The following ARHGAP24 variants were observed in gnomAD, a reference collection of about 807,000 sequenced individuals.
ARHGAP24 encodes rho GTPase-activating protein 24.
A neutral mutation model predicts 76.4 loss-of-function variants in ARHGAP24; 50 were observed. The ratio of observed to expected loss-of-function variants is 0.65; its 90% confidence interval spans 0.52 to 0.83. The LOEUF is 0.83. ARHGAP24 is among the 40% of genes least tolerant of loss of function. The pLI, the probability that ARHGAP24 is intolerant of heterozygous loss-of-function variation, is 0.00. For synonymous variants in ARHGAP24, 345 were observed against 323.3 expected, an observed-to-expected ratio of 1.07 and a Z score of -0.72; for missense variants, 930 against 914.2, an observed-to-expected ratio of 1.02 and a Z score of -0.22.
chr4:85,518,482 T>G (rs1178297544), intron 1 of ARHGAP24, among the ~76,000 whole-genome samples: 1 of 152,152 alleles, frequency 6.6e-6, no homozygotes, highest in Non-Finnish European at 1.5e-5. Flanking sequence ...CAGTATACAC[T>G]GCACCATATT....
chr4:85,623,565 G>T (rs1429978387), intron 2 of ARHGAP24, among the ~76,000 whole-genome samples: 2 of 152,162 alleles, frequency 1.3e-5, no homozygotes, highest in Non-Finnish European at 2.9e-5. Flanking sequence ...GATTGACTTT[G>T]TGATGCGGGC....
chr4:85,579,612 CTATT>C (rs911830805), intron 2 of ARHGAP24, among the ~76,000 whole-genome samples: 10 of 150,996 alleles, frequency 6.6e-5, no homozygotes, highest in Admixed American at 5.3e-4. Flanking sequence ...CATTTGGTGA[CTATT>C]TATCAATTAT....
At chr4:85,694,607 A>G (rs1723802631) in intron 2 of ARHGAP24, among the ~76,000 whole-genome samples, 1 of 152,170 alleles carries the variant, frequency 6.6e-6, no homozygotes, top group Non-Finnish European at 1.5e-5. Context: ...TGGAGAAAAA[A>G]AAGCTTCTCA....
At chr4:85,850,130 G>C (rs345340) in intron 3 of ARHGAP24, among the ~76,000 whole-genome samples, 69 of 151,864 alleles carry the variant, frequency 4.5e-4, no homozygotes, top group African/African-American at 1.6e-3. Context: ...TTCAGAACCT[G>C]TTATTGGTCT....
chr4:85,922,267 A>T (rs1169062228), intron 3 of ARHGAP24, among the ~76,000 whole-genome samples: 1 of 152,222 alleles, frequency 6.6e-6, no homozygotes, highest in Admixed American at 6.5e-5. Flanking sequence ...ATGCTAGAAT[A>T]GTTGTCCTTC....
At chr4:85,786,109 A>G (rs1254210283) in intron 3 of ARHGAP24, among the ~76,000 whole-genome samples, 1 of 152,110 alleles carries the variant, frequency 6.6e-6, no homozygotes, top group Non-Finnish European at 1.5e-5. Flanking sequence ...GGGAAGTTGG[A>G]TGGGATCTTA....
intron 2 of ARHGAP24, among the ~76,000 whole-genome samples, chr4:85,641,940 A>G (rs751371604): frequency 2.0e-5 from 3 of 152,146 alleles, no homozygotes; most frequent in African/African-American, 2.4e-5. Flanking sequence ...TAGAAATTTG[A>G]TTGGACAAGA....
chr4:85,787,154 G>A (rs573879944), intron 3 of ARHGAP24, among the ~76,000 whole-genome samples: 14 of 152,284 alleles, frequency 9.2e-5, no homozygotes, highest in South Asian at 8.3e-4. Context: ...CCGGCCTGTC[G>A]CAGTGGACAT....
chr4:85,570,747 T>C, intron 2 of ARHGAP24, 26 bp downstream of exon 2: 2 of 1,612,552 alleles, frequency 1.2e-6, no homozygotes, highest in Non-Finnish European at 1.7e-6. Flanking sequence ...TGTAAAGCAT[T>C]AAGGGCCTAA....
chr4:85,928,615 A>G (rs1736152771), intron 4 of ARHGAP24, among the ~76,000 whole-genome samples: 2 of 151,706 alleles, frequency 1.3e-5, no homozygotes, highest in Non-Finnish European at 2.9e-5. Flanking sequence ...CTGCCACCAC[A>G]TCCACCTAAA....
chr4:85,698,716 A>G (rs1277030753), intron 2 of ARHGAP24, among the ~76,000 whole-genome samples: 3 of 152,192 alleles, frequency 2.0e-5, no homozygotes, highest in Admixed American at 6.5e-5. Context: ...GCTTCCACAT[A>G]GCACGTTCAT....
At chr4:85,506,660 C>T (rs568108671) in intron 1 of ARHGAP24, among the ~76,000 whole-genome samples, 81 of 152,278 alleles carry the variant, frequency 5.3e-4, no homozygotes, top group Non-Finnish European at 8.2e-4. Context: ...CATGGCTTCC[C>T]TTGGCTAGGA....
intron 3 of ARHGAP24, among the ~76,000 whole-genome samples, chr4:85,889,309 A>C (rs1733748446): frequency 6.6e-6 from 1 of 152,244 alleles, no homozygotes; most frequent in Admixed American, 6.5e-5. Context: ...AGAGAGAGGC[A>C]GAATTCCTTA....
chr4:85,649,782 T>C (rs1661187930), intron 2 of ARHGAP24, among the ~76,000 whole-genome samples: 1 of 152,192 alleles, frequency 6.6e-6, no homozygotes, highest in African/African-American at 2.4e-5. Flanking sequence ...CTGTGGACTA[T>C]ATCCTGGCAC....
Position 85,844,961 on chromosome 4 carries a change from G to A in ARHGAP24, c.269-78687G>A, listed in dbSNP as rs563292569. Among the ~76,000 whole-genome samples the A allele has an allele frequency of 1.4e-4, 22 of 152,290 alleles. No individual in the cohort carries two copies. In the South Asian group the frequency reaches 2.7e-3, roughly 19 times the overall value. On this transcript the variant is annotated intron_variant, in intron 3 of 9. Coordinates refer to ENST00000395184, the MANE Select transcript of ARHGAP24 (RefSeq NM_001025616.3). ...ATCTCTGAAAATGTCATGGTGCATG[G>A]CACCAGTTTAACAGAGAGATATCAT...
intron 1 of ARHGAP24, among the ~76,000 whole-genome samples, chr4:85,496,160 A>G (rs1267590452): frequency 6.6e-6 from 1 of 152,236 alleles, no homozygotes; most frequent in African/African-American, 2.4e-5. Context: ...TGGCTTATGA[A>G]GAGTGAGTGT....
At chr4:85,932,068 T>C (rs893865594) in intron 4 of ARHGAP24, among the ~76,000 whole-genome samples, 4 of 152,098 alleles carry the variant, frequency 2.6e-5, no homozygotes, top group Non-Finnish European at 5.9e-5. Flanking sequence ...TCCTGCAGAG[T>C]GCTTTCCTTT....
At chr4:85,802,386 C>G (rs1728614300) in intron 3 of ARHGAP24, among the ~76,000 whole-genome samples, 1 of 152,222 alleles carries the variant, frequency 6.6e-6, no homozygotes, top group Non-Finnish European at 1.5e-5. Context: ...TCATGTCTAC[C>G]TAACTGTGCT....
intron 4 of ARHGAP24, among the ~76,000 whole-genome samples, chr4:85,936,942 C>A (rs1249091398): frequency 3.3e-5 from 5 of 152,160 alleles, no homozygotes; most frequent in African/African-American, 4.8e-5. Flanking sequence ...GCCTGGCACA[C>A]AATGGATGCC....
Sources: gnomAD v4.1 joint callset for allele counts (sites outside exome capture counted in the v4.1 genomes callset) on GRCh38, gnomAD v4.1.1 for gene constraint, MANE v1.5 for transcripts, NCBI Gene and HGNC (gene_info 2026-07-23, HGNC 2026-07-21) for gene names.